GEMIN5: variants seen among roughly 807,000 people sequenced by gnomAD.
The protein encoded by GEMIN5 is gem-associated protein 5.
In GEMIN5, 124 loss-of-function variants were observed where a neutral mutation model predicts 176.9. That is an observed-to-expected ratio of 0.70 (90% CI 0.61 to 0.81). GEMIN5 has a LOEUF of 0.81. Ranked by LOEUF, GEMIN5 falls within the 40% of genes least tolerant of loss-of-function variation. The pLI, the probability that GEMIN5 is intolerant of heterozygous loss-of-function variation, is 0.00. For missense variants in GEMIN5, 1,843 were observed against 1,814.6 expected (o/e 1.02, Z -0.28); for synonymous variants, 673 against 665.2 (o/e 1.01, Z -0.18).
Position 154,891,629 on chromosome 5 carries a change from G to A in GEMIN5, c.3874C>T (p.Leu1292Phe), listed in dbSNP as rs779130606. The A allele has an allele frequency of 6.2e-7, 1 of 1,614,124 alleles. No individual in the cohort carries two copies. The highest frequency in any genetic ancestry group is 8.5e-7 in the Non-Finnish European group (1 of 1,180,020). ...CTGGAATTTGGGCAAGGTCTGGAGAGAGACCACCAGAATTCATACAGACGC... is the reference window on the plus strand; with the variant it reads ...CTGGAATTTGGGCAAGGTCTGGAGAAAGACCACCAGAATTCATACAGACGC... Reference protein sequence around the residue: ...YGRLYEFWWSLSRPCPNSSVW... With the variant: ...YGRLYEFWWSFSRPCPNSSVW... The change falls in exon 26 of 28, where the codon CTC (leucine) becomes TTC (phenylalanine). Residue 1292 changes from leucine (L) to phenylalanine (F), a missense_variant. Leu to Phe is a conservative substitution (Grantham distance 22). Transcript: ENST00000285873.
At chr5:154,911,611 C>G in intron 15 of GEMIN5, 116 bp downstream of exon 15, 1 of 828,384 alleles carries the variant, frequency 1.2e-6, no homozygotes, top group Non-Finnish European at 1.9e-6. Flanking sequence ...TAGGCTCAGA[C>G]CCCTGCCCTA....
At chr5:154,893,362 G>A (rs922424880) in intron 24 of GEMIN5, among the ~76,000 whole-genome samples, 3 of 151,320 alleles carry the variant, frequency 2.0e-5, no homozygotes, top group Admixed American at 6.6e-5. Flanking sequence ...CCCGAGAGGC[G>A]GAGGTTGCAG....
At chr5:154,895,417 A>T (rs1182388486) in intron 24 of GEMIN5, among the ~76,000 whole-genome samples, 2 of 152,186 alleles carry the variant, frequency 1.3e-5, no homozygotes, top group African/African-American at 4.8e-5. Context: ...TCTTTTTATC[A>T]ACATGGATAG....
rs747153357 is a variant in GEMIN5, at chr5:154,898,559, C to T, written c.3226G>A (p.Ala1076Thr). 3 of 1,614,130 alleles carry T rather than the reference C, an allele frequency of 1.9e-6. No individual in the cohort carries two copies. In the South Asian group the frequency reaches 3.3e-5, roughly 18 times the overall value. The stretch of plus-strand genomic sequence containing the variant: ...GACAACTCATCCTCTCCTACGATGG[C>T]AGCCAACTCTGCAGCCGTTCTAAGT... ...ASLRTAAELA[A>T]IVGEDELSAS... The change falls in exon 23 of 28, where the codon GCC (alanine) becomes ACC (threonine). Residue 1076 changes from alanine to threonine, a missense_variant. Ala to Thr is a moderately conservative substitution (Grantham distance 58, BLOSUM62 0). Coordinates refer to ENST00000285873, the MANE Select transcript of GEMIN5 (RefSeq NM_015465.5).
At position 154,932,207 on chromosome 5, in the gene GEMIN5, C is replaced by T. The variant is rs1021357252; in HGVS notation, c.553G>A (p.Gly185Arg). The T allele has an allele frequency of 6.2e-7, 1 of 1,611,316 alleles. No homozygotes were observed. Among genetic ancestry groups the T allele is most frequent in the Non-Finnish European group, 8.5e-7 (1 of 1,177,494 alleles). ...IVVIIDISKK[G>R]EVIHRLRGHD... ...CCTCGAAGCCTATGAATAACTTCTC[C>T]TTTCTTACTGATGTCAATTATCACC... The change falls in exon 4 of 28, where the codon GGA becomes AGA. Residue 185 changes from glycine (G) to arginine (R), a missense_variant. Physicochemically the swap from Gly to Arg is moderately radical, Grantham distance 125. Transcript: ENST00000285873.
rs769426856 is a variant in GEMIN5, at chr5:154,931,517, T to A, written c.722A>T (p.Tyr241Phe). The change falls in exon 5 of 28, where the codon TAC (tyrosine) becomes TTC (phenylalanine). Residue 241 changes from tyrosine to phenylalanine, a missense_variant. Physicochemically the swap from Tyr to Phe is conservative, Grantham distance 22. Coordinates refer to ENST00000285873, the MANE Select transcript of GEMIN5 (RefSeq NM_015465.5). ...VAQAPVTKGCYLATGSKDQTI... is the reference protein window; with the variant it reads ...VAQAPVTKGCFLATGSKDQTI... ...TTGATCTTTGCTTCCAGTGGCTAAG[T>A]AGCAACCTTTTGTTACTGGAGCTTG... The A allele has an allele frequency of 6.2e-7, 1 of 1,612,822 alleles. No homozygotes were observed. The highest frequency in any genetic ancestry group is 1.7e-5 in the Admixed American group (1 of 60,008).
In GEMIN5 at chr5:154,905,391, C is replaced by T. The variant is rs147171245; in HGVS notation, c.2481G>A (p.Leu827=). The change falls in exon 17 of 28, where the codon CTG becomes CTA. Residue 827 remains leucine (L), a synonymous_variant. Coordinates refer to ENST00000285873, the MANE Select transcript of GEMIN5 (RefSeq NM_015465.5). ...KVTINNKVIL[L]KKEPPKEKPE... ...GCTTCTCTTTTGGTGGCTCCTTTTT[C>T]AGTAAAATGACTTTGTTATTAATGG... is the stretch of plus-strand genomic sequence containing the variant. 3.5e-4 allele frequency: 557 copies of T among 1,602,496 alleles called. 1 individual carries two copies. In the African/African-American group the frequency reaches 5.4e-3, roughly 16 times the overall value.
At chr5:154,935,742 G>T (rs771377535) in intron 3 of GEMIN5, 99 bp downstream of exon 3, 1 of 799,012 alleles carries the variant, frequency 1.3e-6, no homozygotes, top group East Asian at 2.5e-5. Context: ...ATCTGTAGAT[G>T]GTTTCCTTTG....
Position 154,905,441 on chromosome 5 carries a change from A to C in GEMIN5, c.2431T>G (p.Ser811Ala), listed in dbSNP as rs1763549401. The change falls in exon 17 of 28, where the codon TCA becomes GCA. Residue 811 changes from serine to alanine, a missense_variant. Transcript: ENST00000285873. ...REPVICTPVS[S>A]GFEKSKVTIN... ...GTGACTTTTGACTTTTCAAAGCCTGAGGAAACTGGAGTGCAGATAACTGGT... is the reference window on the plus strand; with the variant it reads ...GTGACTTTTGACTTTTCAAAGCCTGCGGAAACTGGAGTGCAGATAACTGGT... The C allele has an allele frequency of 1.9e-6, 3 of 1,604,456 alleles. No individual in the cohort carries two copies. Among genetic ancestry groups the C allele is most frequent in the Non-Finnish European group, 2.6e-6 (3 of 1,173,276 alleles).
chr5:154,904,345 G>A (rs552356453), intron 18 of GEMIN5, among the ~76,000 whole-genome samples, 162 bp downstream of exon 18: 1 of 152,294 alleles, frequency 6.6e-6, no homozygotes, highest in South Asian at 2.1e-4. Flanking sequence ...GCAGCAAGGT[G>A]TAGGGGTATA....
intron 3 of GEMIN5, among the ~76,000 whole-genome samples, chr5:154,935,203 T>C (rs1235917228): frequency 1.3e-5 from 2 of 152,246 alleles, no homozygotes; most frequent in African/African-American, 4.8e-5. Context: ...TATGCACATT[T>C]TTACAACAAA....
chr5:154,897,902 GT>G (rs10714011), intron 23 of GEMIN5, among the ~76,000 whole-genome samples: 1,410 of 125,106 alleles, frequency 0.011, 18 homozygotes, highest in African/African-American at 0.037. Flanking sequence ...TGACTAAGGT[GT>G]TTTTTTTTGT....
At chr5:154,903,806 T>C (rs939642754) in intron 18 of GEMIN5, among the ~76,000 whole-genome samples, 1 of 151,630 alleles carries the variant, frequency 6.6e-6, no homozygotes, top group Non-Finnish European at 1.5e-5. Context: ...GGGAGGAAGA[T>C]TTACTTTGAA....
At chr5:154,916,488 T>A (rs1582666064) in intron 13 of GEMIN5, among the ~76,000 whole-genome samples, 1 of 151,988 alleles carries the variant, frequency 6.6e-6, no homozygotes, top group Non-Finnish European at 1.5e-5. Flanking sequence ...AAAACTTCAT[T>A]TTTTTTTCTT....
chr5:154,937,812 C>T (rs947354278), intron 1 of GEMIN5, among the ~76,000 whole-genome samples, 156 bp downstream of exon 1: 1 of 152,204 alleles, frequency 6.6e-6, no homozygotes, highest in South Asian at 2.1e-4. Flanking sequence ...CATTAGGAGA[C>T]CAGAAGCAAC....
chr5:154,902,753 A>T, intron 19 of GEMIN5, 77 bp from the exon 20 acceptor site: 3 of 1,454,732 alleles, frequency 2.1e-6, no homozygotes, highest in Non-Finnish European at 2.8e-6. Context: ...GAAAGGCAAG[A>T]TAGAAGAGAA....
intron 13 of GEMIN5, among the ~76,000 whole-genome samples, chr5:154,914,957 A>G (rs1763782832): frequency 6.6e-6 from 1 of 152,220 alleles, no homozygotes; most frequent in Admixed American, 6.5e-5. Context: ...TACAATTCTT[A>G]TAACTTTCCT....
At chr5:154,901,141 C>T (rs1020581613) in intron 21 of GEMIN5, among the ~76,000 whole-genome samples, 198 bp downstream of exon 21, 1 of 152,190 alleles carries the variant, frequency 6.6e-6, no homozygotes, top group African/African-American at 2.4e-5. Flanking sequence ...GCTTGGACAA[C>T]ACAGCAAGAC....
intron 20 of GEMIN5, among the ~76,000 whole-genome samples, chr5:154,901,802 CCTTTT>C (rs1561713210): frequency 4.7e-5 from 7 of 147,840 alleles, no homozygotes; most frequent in African/African-American, 1.7e-4. Flanking sequence ...TTTTCCCTTT[CCTTTT>C]ATTGTTTTTT....
Sources: allele counts gnomAD v4.1 joint callset (sites outside exome capture counted in the v4.1 genomes callset), GRCh38; gene constraint gnomAD v4.1.1; transcripts MANE v1.5; gene names NCBI Gene and HGNC (gene_info 2026-07-23, HGNC 2026-07-21).